UNC5D: variants seen among roughly 807,000 people sequenced by gnomAD.
The protein encoded by UNC5D is unc-5 netrin receptor D.
In UNC5D, 39 loss-of-function variants were observed where a neutral mutation model predicts 105.4. That is an observed-to-expected ratio of 0.37 (90% CI 0.29 to 0.48). UNC5D has a LOEUF of 0.48. UNC5D is among the 20% of genes least tolerant of loss of function. The pLI, the probability that UNC5D is intolerant of heterozygous loss-of-function variation, is 0.98. For missense variants in UNC5D, 991 were observed against 1,202.4 expected (o/e 0.82, Z 2.60); for synonymous variants, 452 against 450.4 (o/e 1.00, Z -0.04).
rs376278060 is a variant in UNC5D, at chr8:35,758,015, A to AT, written c.2164-1304dup. 3.4e-3 allele frequency among the ~76,000 whole-genome samples: 523 copies of AT among 152,310 alleles called. 4 individuals are homozygous for AT. The highest frequency in any genetic ancestry group is 0.012 in the African/African-American group (502 of 41,570). Reference sequence around the variant, plus strand: ...ACAGCCACTTTAGCTAGTGGGTACCATAATGGACCACACAGAGATAGAATA... The same window carrying AT: ...ACAGCCACTTTAGCTAGTGGGTACCATTAATGGACCACACAGAGATAGAATA... On this transcript the variant is annotated intron_variant, in intron 13 of 16. Coordinates refer to ENST00000404895, the MANE Select transcript of UNC5D (RefSeq NM_080872.4).
intron 1 of UNC5D, among the ~76,000 whole-genome samples, chr8:35,510,607 A>G (rs1240394881): frequency 6.6e-6 from 1 of 152,114 alleles, no homozygotes; most frequent in East Asian, 1.9e-4. Flanking sequence ...ATTCCACCAT[A>G]TCCTCACCAG....
chr8:35,336,008 C>T (rs1811007862), intron 1 of UNC5D, among the ~76,000 whole-genome samples: 2 of 151,874 alleles, frequency 1.3e-5, no homozygotes. Context: ...CGTGATCCGC[C>T]TGCATTAGCC....
chr8:35,352,737 C>T (rs192660817), intron 1 of UNC5D, among the ~76,000 whole-genome samples: 2 of 152,018 alleles, frequency 1.3e-5, no homozygotes, highest in African/African-American at 2.4e-5. Context: ...CTCAGCCTCC[C>T]GAGTAACTGG....
At chr8:35,766,859 G>C in intron 14 of UNC5D, 43 bp from the exon 15 acceptor site, 1 of 1,570,748 alleles carries the variant, frequency 6.4e-7, no homozygotes, top group African/African-American at 1.4e-5. Flanking sequence ...GTTCATCTCA[G>C]CCAGGCTCTG....
chr8:35,270,747 C>T (rs1268295378), intron 1 of UNC5D, among the ~76,000 whole-genome samples: 3 of 152,140 alleles, frequency 2.0e-5, no homozygotes, highest in Non-Finnish European at 1.5e-5. Flanking sequence ...TGGCTTTGTA[C>T]AAGTGTCTAG....
chr8:35,726,366 T>C lies in UNC5D; in HGVS notation c.1518T>C (p.His506=), dbSNP rs183181742. ...SERAEYHGKN[H]SRTFPHGNNH... ...GAGCTGAGTACCACGGCAAGAATCA[T>C]TCCAGGACTTTTCCCCATGGAAACA... is the stretch of plus-strand genomic sequence containing the variant. Residue 506 remains histidine (H), a synonymous_variant, in exon 10 of 17, where the codon CAT becomes CAC. Transcript: ENST00000404895. 6.2e-7 allele frequency: 1 copy of C among 1,614,122 alleles called. No homozygotes were observed. Among genetic ancestry groups the C allele is most frequent in the Non-Finnish European group, 8.5e-7 (1 of 1,180,020 alleles).
chr8:35,581,437 T>G (rs1384921105), intron 3 of UNC5D, among the ~76,000 whole-genome samples: 1 of 152,154 alleles, frequency 6.6e-6, no homozygotes, highest in Non-Finnish European at 1.5e-5. Context: ...AGTACTTTTT[T>G]GGTTTTCACT....
At chr8:35,434,307 A>G (rs2128977823) in intron 1 of UNC5D, among the ~76,000 whole-genome samples, 1 of 152,270 alleles carries the variant, frequency 6.6e-6, no homozygotes, top group South Asian at 2.1e-4. Context: ...AATGAGAGTC[A>G]ATGATTCCAT....
At chr8:35,590,725 C>T (rs1819113869) in intron 3 of UNC5D, among the ~76,000 whole-genome samples, 1 of 152,104 alleles carries the variant, frequency 6.6e-6, no homozygotes, top group African/African-American at 2.4e-5. Flanking sequence ...TTATTATCCT[C>T]ATGTCACTGA....
intron 1 of UNC5D, among the ~76,000 whole-genome samples, chr8:35,413,354 T>C (rs1805323267): frequency 6.6e-6 from 1 of 150,896 alleles, no homozygotes; most frequent in South Asian, 2.1e-4. Flanking sequence ...GATGGACATC[T>C]GGAGATTAGG....
chr8:35,602,380 G>C (rs1819948616), intron 4 of UNC5D, among the ~76,000 whole-genome samples: 1 of 152,172 alleles, frequency 6.6e-6, no homozygotes, highest in Non-Finnish European at 1.5e-5. Context: ...AATGGGACCA[G>C]CTCCTCCTTG....
chr8:35,345,054 A>T (rs1811709150), intron 1 of UNC5D, among the ~76,000 whole-genome samples: 1 of 152,080 alleles, frequency 6.6e-6, no homozygotes, highest in South Asian at 2.1e-4. Context: ...CAACTCCATT[A>T]CATTTAATGT....
At chr8:35,468,535 C>G (rs1809476612) in intron 1 of UNC5D, among the ~76,000 whole-genome samples, 1 of 152,240 alleles carries the variant, frequency 6.6e-6, no homozygotes, top group Middle Eastern at 3.4e-3. Flanking sequence ...ATATAGAAAG[C>G]CGTGATTTCC....
At chr8:35,458,047 A>G (rs1326511639) in intron 1 of UNC5D, among the ~76,000 whole-genome samples, 1 of 152,128 alleles carries the variant, frequency 6.6e-6, no homozygotes, top group Non-Finnish European at 1.5e-5. Flanking sequence ...TCAGCTCTGT[A>G]GTGGACTGAG....
chr8:35,591,045 G>A (rs1009911762), intron 3 of UNC5D, among the ~76,000 whole-genome samples: 2 of 152,020 alleles, frequency 1.3e-5, no homozygotes, highest in African/African-American at 4.8e-5. Context: ...CCATTGCCAG[G>A]TTTTTAAAAC....
At chr8:35,344,493 T>C (rs544496967) in intron 1 of UNC5D, among the ~76,000 whole-genome samples, 4 of 152,038 alleles carry the variant, frequency 2.6e-5, no homozygotes, top group Admixed American at 2.6e-4. Context: ...TGTGCAGGAG[T>C]ATAAATGATA....
chr8:35,546,334 AG>A (rs1173063489), intron 1 of UNC5D, among the ~76,000 whole-genome samples: 1 of 152,130 alleles, frequency 6.6e-6, no homozygotes, highest in Non-Finnish European at 1.5e-5. Context: ...AAATGGGAGG[AG>A]GGGAACTTAA....
chr8:35,682,343 C>T (rs1469983566), intron 4 of UNC5D, among the ~76,000 whole-genome samples: 1 of 152,202 alleles, frequency 6.6e-6, no homozygotes, highest in Non-Finnish European at 1.5e-5. Context: ...CTAAAACCAG[C>T]TTTCAGTGAG....
At chr8:35,280,418 T>C (rs993846519) in intron 1 of UNC5D, among the ~76,000 whole-genome samples, 4 of 152,232 alleles carry the variant, frequency 2.6e-5, no homozygotes, top group African/African-American at 9.6e-5. Context: ...GAGTCCATTG[T>C]GTCTCACGTT....
Sources: gnomAD v4.1 joint callset for allele counts (sites outside exome capture counted in the v4.1 genomes callset) on GRCh38, gnomAD v4.1.1 for gene constraint, MANE v1.5 for transcripts, NCBI Gene and HGNC (gene_info 2026-07-23, HGNC 2026-07-21) for gene names.